Variants in PHKA1 observed in about 807,000 individuals in gnomAD.
The protein encoded by PHKA1 is phosphorylase kinase regulatory subunit alpha 1.
PHKA1 carries 60 observed loss-of-function variants against 110.2 expected under a neutral mutation model. That is an observed-to-expected ratio of 0.54 (90% CI 0.44 to 0.68). The LOEUF is 0.68. PHKA1 is among the 30% of genes least tolerant of loss of function. The pLI is 0.00. For missense variants in PHKA1, 801 were observed against 942.5 expected (o/e 0.85, Z 1.97); for synonymous variants, 316 against 333.6 (o/e 0.95, Z 0.58).
chrX:72,596,324 G>A (rs1445191883), intron 28 of PHKA1, among the ~76,000 whole-genome samples: 4 of 110,980 alleles, frequency 3.6e-5, no homozygotes, highest in African/African-American at 6.5e-5. Flanking sequence ...GCTATTCAAT[G>A]GGTATAAAGT....
intron 8 of PHKA1, among the ~76,000 whole-genome samples, chrX:72,661,344 C>T (rs1215976007): frequency 4.5e-5 from 5 of 111,384 alleles, no homozygotes; most frequent in African/African-American, 6.5e-5. Context: ...TTCAGTGAAA[C>T]GTAAAAATAT....
chrX:72,664,152 T>C (rs1556305481), intron 8 of PHKA1, among the ~76,000 whole-genome samples: 2 of 111,069 alleles, frequency 1.8e-5, no homozygotes, highest in Non-Finnish European at 3.8e-5. Flanking sequence ...ATTGGCTGAA[T>C]GGATAACAAG....
At chrX:72,672,111 G>A (rs1442067755) in intron 6 of PHKA1, among the ~76,000 whole-genome samples, 2 of 111,871 alleles carry the variant, frequency 1.8e-5, no homozygotes, top group African/African-American at 6.5e-5. Context: ...AACACCACAT[G>A]GATACCTTCA....
At chrX:72,613,747 C>T (rs1370924133) in intron 21 of PHKA1, among the ~76,000 whole-genome samples, 2 of 111,348 alleles carry the variant, frequency 1.8e-5, no homozygotes, top group African/African-American at 3.3e-5. Flanking sequence ...ACCAAATGAT[C>T]CAACCAAGCG....
intron 29 of PHKA1, among the ~76,000 whole-genome samples, chrX:72,585,214 T>A (rs1556210456): frequency 9.0e-6 from 1 of 111,056 alleles, no homozygotes; most frequent in African/African-American, 3.3e-5. Context: ...CACACCTGAT[T>A]TGAAACATAT....
At chrX:72,678,105 C>A (rs1197107420) in intron 5 of PHKA1, among the ~76,000 whole-genome samples, 7 of 111,276 alleles carry the variant, frequency 6.3e-5, no homozygotes, top group Admixed American at 4.8e-4. Flanking sequence ...CACTTTTTGG[C>A]ACTGTAAGAT....
chrX:72,672,826 G>A (rs945924364), intron 6 of PHKA1, among the ~76,000 whole-genome samples: 6 of 112,188 alleles, frequency 5.3e-5, no homozygotes, highest in Non-Finnish European at 9.4e-5. Context: ...TGTGCTTCCT[G>A]ATGATAAACT....
At chrX:72,605,427 A>G in intron 24 of PHKA1, 27 bp from the exon 25 acceptor site, 1 of 1,202,659 alleles carries the variant, frequency 8.3e-7, no homozygotes, top group Non-Finnish European at 1.1e-6. Flanking sequence ...TATAGACAAA[A>G]ATAATGGCCT....
intron 4 of PHKA1, among the ~76,000 whole-genome samples, chrX:72,692,388 A>G (rs888048694): frequency 3.5e-4 from 39 of 111,470 alleles, no homozygotes; most frequent in Non-Finnish European, 6.0e-4. Flanking sequence ...CACCTCTTCT[A>G]TTTTTGGAAG....
intron 3 of PHKA1, among the ~76,000 whole-genome samples, chrX:72,701,456 C>T (rs1399760645): frequency 2.7e-5 from 3 of 112,205 alleles, no homozygotes; most frequent in Non-Finnish European, 5.6e-5. Flanking sequence ...TGTGGTGGCT[C>T]ACGCCTATAA....
intron 25 of PHKA1, among the ~76,000 whole-genome samples, chrX:72,604,895 T>C (rs1382335622): frequency 1.8e-5 from 2 of 112,004 alleles, no homozygotes; most frequent in African/African-American, 6.5e-5. Flanking sequence ...ACTGACACCA[T>C]GATCCACTGA....
At chrX:72,710,842 TTTTTTTTTTA>T (rs2054364593) in intron 2 of PHKA1, among the ~76,000 whole-genome samples, 1 of 103,134 alleles carries the variant, frequency 9.7e-6, no homozygotes, top group Admixed American at 1.0e-4. Flanking sequence ...ATTTTTTTAT[TTTTTTTTTTA>T]TTTTTATTTT....
At chrX:72,621,360 T>C (rs937773730) in intron 18 of PHKA1, among the ~76,000 whole-genome samples, 16 of 111,480 alleles carry the variant, frequency 1.4e-4, no homozygotes, top group African/African-American at 4.2e-4. Flanking sequence ...CAGCAAATAT[T>C]TGTTGGCTGC....
intron 16 of PHKA1, among the ~76,000 whole-genome samples, chrX:72,633,745 A>C (rs2053195208): frequency 1.8e-5 from 2 of 111,964 alleles, no homozygotes; most frequent in South Asian, 7.5e-4. Context: ...TTTTTATCAT[A>C]TTACTCCTTG....
At chrX:72,591,600 G>A (rs946285557) in intron 29 of PHKA1, among the ~76,000 whole-genome samples, 1 of 111,155 alleles carries the variant, frequency 9.0e-6, no homozygotes, top group Non-Finnish European at 1.9e-5. Context: ...AATTTAAAGA[G>A]TATTCACACA....
At chrX:72,596,044 T>C (rs1261961520) in intron 28 of PHKA1, among the ~76,000 whole-genome samples, 1 of 112,132 alleles carries the variant, frequency 8.9e-6, no homozygotes, top group African/African-American at 3.2e-5. Context: ...GAAAACAACC[T>C]AAATATATAT....
At chrX:72,677,320 C>T (rs1171201687) in intron 5 of PHKA1, among the ~76,000 whole-genome samples, 2 of 112,074 alleles carry the variant, frequency 1.8e-5, no homozygotes, top group Non-Finnish European at 1.9e-5. Flanking sequence ...ACTTGGTTAA[C>T]GTGATGTCTG....
Position 72,657,600 on chromosome X carries a change from T to C in PHKA1, c.906A>G (p.Lys302=). ...AAAAGAAACCTACCTCTTTAGGAGT[T>C]TTATATCCATCTCGTAGAAAGCGAC... The part of the protein sequence containing the change: ...GCCRFLRDGY[K]TPKEDPNRLY... The change falls in exon 9 of 32, where the codon AAA becomes AAG. Residue 302 remains lysine (K), a synonymous_variant. Transcript: ENST00000373542. 1 of 1,208,594 alleles carries C rather than the reference T, an allele frequency of 8.3e-7. No homozygotes were observed. The highest frequency in any genetic ancestry group is 1.1e-6 in the Non-Finnish European group (1 of 892,848).
chrX:72,709,358 C>T (rs1340334763), intron 2 of PHKA1: 1 of 107,608 alleles, frequency 9.3e-6, no homozygotes, highest in Non-Finnish European at 1.9e-5. Flanking sequence ...TTTGTAAAAA[C>T]ATACATGTGC....
Sources: gnomAD v4.1 joint callset for allele counts (sites outside exome capture counted in the v4.1 genomes callset) on GRCh38, gnomAD v4.1.1 for gene constraint, MANE v1.5 for transcripts, NCBI Gene and HGNC (gene_info 2026-07-23, HGNC 2026-07-21) for gene names.